Variants in CWF19L2 observed in about 807,000 individuals in gnomAD.
The protein encoded by CWF19L2 is CWF19 like cell cycle control factor 2.
In CWF19L2, 98 loss-of-function variants were observed where a neutral mutation model predicts 111.7. The observed-to-expected ratio is 0.88, with a 90% confidence interval of 0.75 to 1.04. The LOEUF (loss-of-function observed/expected upper bound fraction) is 1.04, where lower values mean the gene tolerates loss of function less well. Among genes scored for constraint, CWF19L2 ranks in the 50% least tolerant of loss-of-function variants. CWF19L2 has a pLI of 0.00. For missense variants in CWF19L2, 1,101 were observed against 1,051.4 expected (o/e 1.05, Z -0.65); for synonymous variants, 351 against 342.9 (o/e 1.02, Z -0.26).
In CWF19L2 at chr11:107,326,977, C is replaced by T; in HGVS notation, c.2618G>A (p.Arg873Lys). 6.2e-7 allele frequency: 1 copy of T among 1,611,588 alleles called. No homozygotes were observed. ...KGIRESFEDQ[R>K]KKALQFAQWW... Reference sequence around the variant, plus strand: ...CTGAGCAAACTGCAGTGCTTTTTTCCTCTGATCCTCAAAGCTTTCTCGGAT... The same window carrying T: ...CTGAGCAAACTGCAGTGCTTTTTTCTTCTGATCCTCAAAGCTTTCTCGGAT... The change falls in exon 18 of 18, where the codon AGG (arginine) becomes AAG (lysine). Residue 873 changes from arginine to lysine, a missense_variant. Transcript: ENST00000282251.
chr11:107,361,739 A>G (rs76894292), intron 12 of CWF19L2, among the ~76,000 whole-genome samples: 2,663 of 152,194 alleles, frequency 0.017, 56 homozygotes, highest in African/African-American at 0.059. Flanking sequence ...AGCTATTGTA[A>G]ATGGGATTAC....
Position 107,439,099 on chromosome 11 carries a change from T to C in CWF19L2, c.655A>G (p.Ile219Val). Residue 219 changes from isoleucine to valine, a missense_variant, in exon 6 of 18, where the codon ATT becomes GTT. By Grantham distance (29) the Ile-to-Val change is conservative. Coordinates refer to ENST00000282251, the MANE Select transcript of CWF19L2 (RefSeq NM_152434.3). ...LPPEDCSVSS[I>V]TKVSVVEDGG... Reference sequence around the variant, plus strand: ...CAAAATGTAGAAATACCTTTAGTAATCGATGACACACTACAGTCTTCAGGT... The same window carrying C: ...CAAAATGTAGAAATACCTTTAGTAACCGATGACACACTACAGTCTTCAGGT... 7.6e-7 allele frequency: 1 copy of C among 1,309,658 alleles called. No individual in the cohort carries two copies. Among genetic ancestry groups the C allele is most frequent in the Non-Finnish European group, 1.1e-6 (1 of 923,214 alleles). 81.1% of individuals were successfully genotyped at this position (1,309,658 alleles called of 1,614,324 possible). A position where few individuals can be genotyped will look rare whatever the true frequency, so the allele number is the denominator to read the frequency against.
intron 3 of CWF19L2, among the ~76,000 whole-genome samples, chr11:107,446,151 T>TG (rs1861699385): frequency 6.6e-6 from 1 of 152,226 alleles, no homozygotes; most frequent in Non-Finnish European, 1.5e-5. Flanking sequence ...TGAGATTTTC[T>TG]AATAAATGCA....
intron 14 of CWF19L2, among the ~76,000 whole-genome samples, chr11:107,344,505 G>A (rs1199640420): frequency 6.6e-6 from 1 of 152,136 alleles, no homozygotes; most frequent in African/African-American, 2.4e-5. Flanking sequence ...CAGAATTCTT[G>A]CTTGACAGTT....
chr11:107,457,173 A>C (rs1591216842), intron 1 of CWF19L2, among the ~76,000 whole-genome samples: 1 of 152,310 alleles, frequency 6.6e-6, no homozygotes, highest in Non-Finnish European at 1.5e-5. Flanking sequence ...ATGTTTCGCG[A>C]TCTTTTGTGA....
chr11:107,443,611 T>C (rs1407664357), intron 3 of CWF19L2, among the ~76,000 whole-genome samples: 4 of 151,850 alleles, frequency 2.6e-5, no homozygotes, highest in African/African-American at 9.7e-5. Context: ...AAAACAAAAA[T>C]GGGAACTGCC....
intron 16 of CWF19L2, among the ~76,000 whole-genome samples, chr11:107,331,484 T>G (rs752065040): frequency 6.6e-6 from 1 of 152,160 alleles, no homozygotes; most frequent in Non-Finnish European, 1.5e-5. Flanking sequence ...TACTACACTC[T>G]TGGCTTTGAA....
chr11:107,432,260 C>T (rs935595043), intron 7 of CWF19L2, among the ~76,000 whole-genome samples: 3 of 151,852 alleles, frequency 2.0e-5, no homozygotes, highest in African/African-American at 7.3e-5. Context: ...CTAAAAAATA[C>T]AAATGGTCAA....
At chr11:107,398,909 C>T (rs1417839699) in intron 10 of CWF19L2, among the ~76,000 whole-genome samples, 1 of 152,102 alleles carries the variant, frequency 6.6e-6, no homozygotes. Flanking sequence ...ATTTATCAGC[C>T]AAGAATTTTG....
intron 7 of CWF19L2, among the ~76,000 whole-genome samples, chr11:107,431,448 G>GGAT (rs1240097863): frequency 1.3e-5 from 2 of 151,720 alleles, no homozygotes; most frequent in Non-Finnish European, 2.9e-5. Flanking sequence ...TTTTGGGATG[G>GGAT]GATGACTCTA....
rs1738539996 is a variant in CWF19L2 at position 107,403,091 on chromosome 11, T to C, written c.1618-10196A>G. ...GGGATAAGAATGATACAATGCACTTTGGGGACTTTAGGGAAAGAGTGTGAA... is the reference window on the plus strand; with the variant it reads ...GGGATAAGAATGATACAATGCACTTCGGGGACTTTAGGGAAAGAGTGTGAA... On this transcript the variant is annotated intron_variant, in intron 10 of 17. Transcript: ENST00000282251. Among the ~76,000 whole-genome samples, 4 of 151,314 alleles carry C rather than the reference T, an allele frequency of 2.6e-5. No individual in the cohort carries two copies. The South Asian group carries it at 8.3e-4, about 31-fold the overall frequency.
chr11:107,355,978 G>A (rs1860231881), intron 12 of CWF19L2, among the ~76,000 whole-genome samples: 1 of 152,046 alleles, frequency 6.6e-6, no homozygotes, highest in African/African-American at 2.4e-5. Flanking sequence ...TGACATTCTG[G>A]GTCATAGCAC....
intron 10 of CWF19L2, among the ~76,000 whole-genome samples, chr11:107,412,975 A>G (rs1295197601): frequency 6.6e-6 from 1 of 152,228 alleles, no homozygotes; most frequent in Non-Finnish European, 1.5e-5. Flanking sequence ...GTTAAGGGGT[A>G]GGGAGGGATA....
At position 107,441,520 on chromosome 11, in the gene CWF19L2, T is replaced by G; in HGVS notation, c.553A>C (p.Asn185His). 1 of 1,541,960 alleles carries G rather than the reference T, an allele frequency of 6.5e-7. No homozygotes were observed. Among genetic ancestry groups the G allele is most frequent in the Non-Finnish European group, 8.7e-7 (1 of 1,144,016 alleles). ...ETMRKIEQEK[N>H]QALEQSKLME... is the part of the protein sequence containing the mutation. Reference sequence around the variant, plus strand: ...TCTCTTACCTGTTCAAGCGCTTGGTTTTTCTCTTGCTCTATTTTCCTCATA... The same window carrying G: ...TCTCTTACCTGTTCAAGCGCTTGGTGTTTCTCTTGCTCTATTTTCCTCATA... The change falls in exon 5 of 18, where the codon AAC becomes CAC. Residue 185 changes from asparagine to histidine, a missense_variant. Asn to His is a moderately conservative substitution (Grantham distance 68, BLOSUM62 1). Transcript: ENST00000282251.
intron 12 of CWF19L2, among the ~76,000 whole-genome samples, chr11:107,359,419 C>G (rs1000929642): frequency 6.6e-6 from 1 of 152,146 alleles, no homozygotes; most frequent in Non-Finnish European, 1.5e-5. Flanking sequence ...CCTTGTAGGG[C>G]TGGGCTATGT....
intron 12 of CWF19L2, among the ~76,000 whole-genome samples, chr11:107,386,221 C>G (rs1860764240): frequency 2.0e-5 from 3 of 152,000 alleles, no homozygotes; most frequent in Non-Finnish European, 4.4e-5. Flanking sequence ...ACTTTGTTGC[C>G]CAGACAGGTC....
At chr11:107,425,179 AACACACACACACACACACACAC>A (rs138792527) in intron 8 of CWF19L2, among the ~76,000 whole-genome samples, 2 of 144,842 alleles carry the variant, frequency 1.4e-5, no homozygotes, top group Admixed American at 7.0e-5. Context: ...CTCTCTTTGA[AACACACACACACACACACACAC>A]ACACACACAC....
chr11:107,433,793 A>G, intron 6 of CWF19L2, 44 bp from the exon 7 acceptor site: 1 of 862,620 alleles, frequency 1.2e-6, no homozygotes, highest in Middle Eastern at 2.4e-4. Flanking sequence ...TAATGTGGTT[A>G]TCATACAATT....
intron 9 of CWF19L2, among the ~76,000 whole-genome samples, chr11:107,417,213 C>G (rs917943444): frequency 1.3e-5 from 2 of 152,172 alleles, no homozygotes; most frequent in African/African-American, 4.8e-5. Flanking sequence ...ATGACTGAAT[C>G]TATTCTATCA....
Sources: gnomAD v4.1 joint callset for allele counts (sites outside exome capture counted in the v4.1 genomes callset) on GRCh38, gnomAD v4.1.1 for gene constraint, MANE v1.5 for transcripts, NCBI Gene and HGNC (gene_info 2026-07-23, HGNC 2026-07-21) for gene names.